The following PBX3 variants were observed in gnomAD, a reference collection of about 807,000 sequenced individuals.
PBX3 encodes the protein pre-B-cell leukemia transcription factor 3.
In PBX3, 14 loss-of-function variants were observed where a neutral mutation model predicts 48.5. That is an observed-to-expected ratio of 0.29 (90% confidence interval 0.19 to 0.45). The LOEUF (loss-of-function observed/expected upper bound fraction) is 0.45. PBX3 is among the 20% of genes least tolerant of loss of function. PBX3 has a pLI of 1.00. For synonymous variants in PBX3, 210 were observed against 200.3 expected (o/e 1.05, Z -0.41); for missense variants, 386 against 546.7 (o/e 0.71, Z 2.93).
At chr9:125,926,353 C>G (rs1251690591) in intron 3 of PBX3, among the ~76,000 whole-genome samples, 1 of 151,530 alleles carries the variant, frequency 6.6e-6, no homozygotes, top group Non-Finnish European at 1.5e-5. Flanking sequence ...AACCTTGTCT[C>G]TACTAAAAAT....
At chr9:125,909,244 A>G (rs1841147858) in intron 2 of PBX3, among the ~76,000 whole-genome samples, 1 of 152,172 alleles carries the variant, frequency 6.6e-6, no homozygotes, top group African/African-American at 2.4e-5. Flanking sequence ...AAAGTCTTCA[A>G]AATTTGCCTT....
At chr9:125,915,298 A>G (rs2132466523) in intron 2 of PBX3, among the ~76,000 whole-genome samples, 1 of 152,274 alleles carries the variant, frequency 6.6e-6, no homozygotes, top group Non-Finnish European at 1.5e-5. Flanking sequence ...GAGTTGTTTT[A>G]TATCCCTGTA....
At chr9:125,909,129 A>G (rs940652333) in intron 2 of PBX3, among the ~76,000 whole-genome samples, 1 of 152,148 alleles carries the variant, frequency 6.6e-6, no homozygotes, top group African/African-American at 2.4e-5. Flanking sequence ...CCGCATTTTT[A>G]TTGCACAGTC....
At chr9:125,830,241 A>G (rs2132187900) in intron 2 of PBX3, among the ~76,000 whole-genome samples, 1 of 152,284 alleles carries the variant, frequency 6.6e-6, no homozygotes, top group East Asian at 1.9e-4. Flanking sequence ...ATTGCCTTGC[A>G]TGTTTCTTAG....
intron 2 of PBX3, among the ~76,000 whole-genome samples, chr9:125,758,933 A>G (rs59655078): frequency 0.027 from 4,076 of 152,282 alleles, 212 homozygotes; most frequent in African/African-American, 0.092. Flanking sequence ...GCTCCAAGGT[A>G]GGTATTTTAA....
chr9:125,852,115 A>G (rs1839600679), intron 2 of PBX3, among the ~76,000 whole-genome samples: 1 of 152,160 alleles, frequency 6.6e-6, no homozygotes, highest in Admixed American at 6.5e-5. Context: ...CGCTGTAATA[A>G]AAATGCCCCC....
intron 2 of PBX3, among the ~76,000 whole-genome samples, chr9:125,779,208 G>T (rs1837165686): frequency 7.5e-6 from 1 of 133,426 alleles, no homozygotes; most frequent in African/African-American, 2.8e-5. Flanking sequence ...TGTTTTCAAG[G>T]TTCATCTCTG....
chr9:125,958,771 TG>T (rs775903877), intron 5 of PBX3, among the ~76,000 whole-genome samples: 1 of 152,348 alleles, frequency 6.6e-6, no homozygotes, highest in Non-Finnish European at 1.5e-5. Context: ...ACTATAAATC[TG>T]GGAGTCATCC....
Position 125,935,598 on chromosome 9 carries a change from A to G in PBX3, c.834A>G (p.Thr278=). ...KEELAKKCSI[T]VSQVSNWFGN... ...AGCTGGCCAAGAAATGCAGCATCAC[A>G]GTGTCACAGGTGAGAAAGGACCCAT... The change falls in exon 5 of 9, where the codon ACA becomes ACG. Residue 278 remains threonine (T), a synonymous_variant. Coordinates refer to ENST00000373489, the MANE Select transcript of PBX3 (RefSeq NM_006195.6). 6.2e-7 allele frequency: 1 copy of G among 1,613,740 alleles called. No individual in the cohort carries two copies.
At chr9:125,900,275 A>C (rs1230650937) in intron 2 of PBX3, among the ~76,000 whole-genome samples, 1 of 136,256 alleles carries the variant, frequency 7.3e-6, no homozygotes. Context: ...TTTTTGCTGC[A>C]TGACCTGGTT....
intron 2 of PBX3, among the ~76,000 whole-genome samples, chr9:125,815,837 G>C (rs1386490944): frequency 2.0e-5 from 3 of 152,076 alleles, no homozygotes; most frequent in African/African-American, 7.2e-5. Context: ...TCTTTGCTGG[G>C]AAAACCGGCT....
intron 2 of PBX3, among the ~76,000 whole-genome samples, chr9:125,799,883 AT>A (rs1837888445): frequency 6.6e-6 from 1 of 152,084 alleles, no homozygotes; most frequent in Non-Finnish European, 1.5e-5. Flanking sequence ...ATTCTGTCTA[AT>A]TTTTGGCACT....
At chr9:125,812,958 C>G (rs1838337147) in intron 2 of PBX3, among the ~76,000 whole-genome samples, 1 of 152,166 alleles carries the variant, frequency 6.6e-6, no homozygotes, top group Admixed American at 6.5e-5. Context: ...GAAAATTGCT[C>G]AGTGAGTGAG....
chr9:125,926,797 G>A (rs1452464939), intron 3 of PBX3, among the ~76,000 whole-genome samples: 1 of 152,204 alleles, frequency 6.6e-6, no homozygotes, highest in Non-Finnish European at 1.5e-5. Flanking sequence ...CACAGCCTGG[G>A]TAACAAGAGC....
At chr9:125,920,152 G>T (rs1841426443) in intron 3 of PBX3, among the ~76,000 whole-genome samples, 1 of 152,198 alleles carries the variant, frequency 6.6e-6, no homozygotes, top group Non-Finnish European at 1.5e-5. Flanking sequence ...CACCCAGCAG[G>T]AATATGATAA....
At chr9:125,965,374 A>C (rs1221491846) in intron 8 of PBX3, among the ~76,000 whole-genome samples, 1 of 152,154 alleles carries the variant, frequency 6.6e-6, no homozygotes, top group Non-Finnish European at 1.5e-5. Flanking sequence ...CAAGGGTTAC[A>C]GTAGCTGGCT....
chr9:125,776,664 C>T (rs1446624555), intron 2 of PBX3, among the ~76,000 whole-genome samples: 1 of 152,080 alleles, frequency 6.6e-6, no homozygotes, highest in Non-Finnish European at 1.5e-5. Context: ...GCTTCCCCTC[C>T]TGAGTATCTG....
intron 2 of PBX3, among the ~76,000 whole-genome samples, chr9:125,780,627 TG>T (rs1837249916): frequency 1.8e-5 from 2 of 108,376 alleles, no homozygotes; most frequent in Non-Finnish European, 3.9e-5. Context: ...ACGGGGCGGC[TG>T]GCCGGGCGGG....
intron 5 of PBX3, among the ~76,000 whole-genome samples, chr9:125,954,910 A>G (rs373935294): frequency 1.5e-4 from 23 of 152,232 alleles, no homozygotes; most frequent in African/African-American, 5.1e-4. Flanking sequence ...ATTTTAAAGA[A>G]TAGTGTTACA....
Sources: allele counts gnomAD v4.1 joint callset (sites outside exome capture counted in the v4.1 genomes callset), GRCh38; gene constraint gnomAD v4.1.1; transcripts MANE v1.5; gene names NCBI Gene and HGNC (gene_info 2026-07-23, HGNC 2026-07-21).